The following AGAP6 variants were observed in gnomAD, a reference collection of about 807,000 sequenced individuals.
The protein encoded by AGAP6 is ArfGAP with GTPase domain, ankyrin repeat and PH domain 6.
AGAP6 carries 29 observed loss-of-function variants against 63.9 expected under a neutral mutation model. That is an observed-to-expected ratio of 0.45 (90% CI 0.34 to 0.62). The LOEUF (loss-of-function observed/expected upper bound fraction) is 0.62. Among genes scored for constraint, AGAP6 ranks in the 20% least tolerant of loss-of-function variants. The pLI is 0.01. For synonymous variants in AGAP6, 199 were observed against 332.9 expected (o/e 0.60, Z 4.38); for missense variants, 493 against 884.9 (o/e 0.56, Z 5.62).
intron 6 of AGAP6, among the ~76,000 whole-genome samples, chr10:50,005,387 G>A (rs536711459): frequency 8.5e-5 from 13 of 152,270 alleles, no homozygotes; most frequent in South Asian, 4.1e-4. Context: ...TGAGGCAGGC[G>A]GATCACAAGG....
chr10:50,010,366 C>T lies in AGAP6; in HGVS notation c.*180C>T. 6.2e-6 allele frequency: 8 copies of T among 1,298,422 alleles called. 2 individuals are homozygous for T. The highest frequency in any genetic ancestry group is 1.5e-5 in the South Asian group (1 of 68,288). The allele number at this position is 1,298,422 out of a possible 1,614,324, so 80.4% of individuals were successfully genotyped here. Reference sequence around the variant, plus strand: ...TCTGACCATAAGACGTATTTTATGTCCTTCTGCCAAGGTGGATTTGTTAGT... The same window carrying T: ...TCTGACCATAAGACGTATTTTATGTTCTTCTGCCAAGGTGGATTTGTTAGT... On this transcript the variant is annotated 3_prime_UTR_variant, in exon 8 of 8. Coordinates refer to ENST00000412531, the MANE Select transcript of AGAP6 (RefSeq NM_001077665.3).
chr10:50,004,166 C>G (rs1253463868), intron 5 of AGAP6, among the ~76,000 whole-genome samples: 1 of 151,188 alleles, frequency 6.6e-6, no homozygotes, highest in Non-Finnish European at 1.5e-5. Flanking sequence ...GCCTGGGCAA[C>G]AAGAGCGAAA....
chr10:49,989,087 C>T, intron 1 of AGAP6, 149 bp downstream of exon 1: 1 of 1,505,096 alleles, frequency 6.6e-7, no homozygotes, highest in Non-Finnish European at 8.9e-7. Context: ...GCTGGCTCTG[C>T]CTTGAATTCC....
chr10:49,993,335 C>T (rs1420180078), intron 3 of AGAP6, among the ~76,000 whole-genome samples: 1 of 152,192 alleles, frequency 6.6e-6, no homozygotes, highest in Non-Finnish European at 1.5e-5. Flanking sequence ...ATGTCCCTCA[C>T]TCTTCAGTGG....
intron 6 of AGAP6, among the ~76,000 whole-genome samples, chr10:50,007,749 A>G (rs531955306): frequency 1.3e-5 from 2 of 151,812 alleles, no homozygotes; most frequent in Admixed American, 6.6e-5. Flanking sequence ...AAGAGTGAAA[A>G]TATGTTTGGT....
chr10:50,009,347 A>G lies in AGAP6; in HGVS notation c.1222A>G (p.Thr408Ala), dbSNP rs781800962. The part of the protein sequence containing the change: ...NKKKHLKKKS[T>A]NNFMIVSATG... ...AAAGAAACACCTAAAGAAGAAAAGC[A>G]CCAACAACTTTATGATTGTGTCTGC... Residue 408 changes from threonine to alanine, a missense_variant, in exon 8 of 8, where the codon ACC (threonine) becomes GCC (alanine). Thr to Ala is a moderately conservative substitution (Grantham distance 58). This residue lies in a region of AGAP6 where 342 missense variants were observed against 533.4 expected (regional missense o/e 0.64). Transcript: ENST00000412531. The G allele has an allele frequency of 3.1e-6, 5 of 1,614,172 alleles. No individual in the cohort carries two copies. Among genetic ancestry groups the G allele is most frequent in the Non-Finnish European group, 1.7e-6 (2 of 1,180,036 alleles).
intron 2 of AGAP6, among the ~76,000 whole-genome samples, chr10:49,989,633 C>T (rs1554860423): frequency 6.6e-6 from 1 of 151,992 alleles, no homozygotes; most frequent in African/African-American, 2.4e-5. Context: ...TATTTAAAAT[C>T]AGAATGGAGG....
intron 4 of AGAP6, among the ~76,000 whole-genome samples, chr10:49,997,144 A>G (rs1257156402): frequency 2.0e-5 from 3 of 149,110 alleles, no homozygotes; most frequent in African/African-American, 7.5e-5. Context: ...TAATAAGCAT[A>G]TTACACTTTT....
intron 4 of AGAP6, among the ~76,000 whole-genome samples, chr10:49,997,101 TA>T (rs1841520145): frequency 6.8e-6 from 1 of 147,920 alleles, no homozygotes; most frequent in Non-Finnish European, 1.5e-5. Flanking sequence ...TTAATGATAT[TA>T]AGCCAGAGAA....
intron 4 of AGAP6, among the ~76,000 whole-genome samples, chr10:49,997,378 C>T (rs797038421): frequency 1.3e-5 from 2 of 152,184 alleles, no homozygotes; most frequent in South Asian, 2.1e-4. Context: ...ATGCGCCTTT[C>T]GTATTACCTA....
rs1841731211 is a variant in AGAP6 at position 50,001,992 on chromosome 10, T to A, written c.397-4T>A. Reference sequence around the variant, plus strand: ...GTTTGACTTACAGTTCCCTTCCCCTTCAGGTATCTGCTGTGCGTTTCAGTC... The same window carrying A: ...GTTTGACTTACAGTTCCCTTCCCCTACAGGTATCTGCTGTGCGTTTCAGTC... On this transcript the variant is annotated splice_region_variant and splice_polypyrimidine_tract_variant and intron_variant, in intron 4 of 7. Coordinates refer to ENST00000412531, the MANE Select transcript of AGAP6 (RefSeq NM_001077665.3). 37 of 1,612,726 alleles carry A rather than the reference T, an allele frequency of 2.3e-5. No homozygotes were observed. The highest frequency in any genetic ancestry group is 3.1e-5 in the Non-Finnish European group (37 of 1,180,000).
chr10:50,007,874 A>G, intron 6 of AGAP6, 151 bp from the exon 7 acceptor site: 1 of 1,436,528 alleles, frequency 7.0e-7, no homozygotes, highest in South Asian at 1.3e-5. Context: ...AAGTCAGGAA[A>G]CCCTCTGCAA....
rs1340295649 is a variant in AGAP6 at position 50,010,354 on chromosome 10, C to T, written c.*168C>T. 7.0e-5 allele frequency: 92 copies of T among 1,313,096 alleles called. 2 individuals carry two copies. The East Asian group carries it at 9.3e-4, about 13-fold the overall frequency. 81.3% of individuals were successfully genotyped at this position (1,313,096 alleles called of 1,614,324 possible). On this transcript the variant is annotated 3_prime_UTR_variant, in exon 8 of 8. Transcript: ENST00000412531. ...AATGTTGATTTTTCTGACCATAAGA[C>T]GTATTTTATGTCCTTCTGCCAAGGT...
chr10:49,994,742 C>T (rs1589088554), intron 4 of AGAP6, among the ~76,000 whole-genome samples: 1 of 152,078 alleles, frequency 6.6e-6, no homozygotes, highest in Non-Finnish European at 1.5e-5. Flanking sequence ...GCAGGCTGAT[C>T]ATCTGAGGTC....
chr10:50,007,993 T>A (rs1394636935), intron 6 of AGAP6, 32 bp from the exon 7 acceptor site: 1 of 1,611,740 alleles, frequency 6.2e-7, no homozygotes, highest in Non-Finnish European at 8.5e-7. Flanking sequence ...ATATTAACAG[T>A]TTTTGAAGTA....
chr10:50,005,350 G>T (rs571240320), intron 6 of AGAP6, among the ~76,000 whole-genome samples: 1 of 152,204 alleles, frequency 6.6e-6, no homozygotes, highest in Non-Finnish European at 1.5e-5. Context: ...GGTGGCTCAC[G>T]CCTGTAATCC....
rs1292806479 is a variant in AGAP6, at chr10:50,005,226, C to T, written c.533+506C>T. 1.1e-4 allele frequency among the ~76,000 whole-genome samples: 17 copies of T among 152,236 alleles called. 1 individual carries two copies. The highest frequency in any genetic ancestry group is 4.1e-4 in the African/African-American group (17 of 41,538). On this transcript the variant is annotated intron_variant, in intron 6 of 7. Transcript: ENST00000412531. ...ACAACAAAAAGTTGAGTAAAAAGTG[C>T]GTCATGTATTTATATTATTTGAAGT...
intron 5 of AGAP6, 138 bp downstream of exon 5, chr10:50,002,234 T>C: frequency 5.1e-6 from 4 of 790,816 alleles, no homozygotes; most frequent in Non-Finnish European, 5.5e-6. Flanking sequence ...ATATTAAGTA[T>C]CAGTTTCTCT....
In AGAP6 at chr10:49,988,746, C is replaced by T; in HGVS notation, c.31C>T (p.Pro11Ser). 1 of 1,592,022 alleles carries T rather than the reference C, an allele frequency of 6.3e-7. No homozygotes were observed. Among genetic ancestry groups the T allele is most frequent in the Non-Finnish European group, 8.5e-7 (1 of 1,176,310 alleles). Residue 11 changes from proline to serine, a missense_variant, in exon 1 of 8, where the codon CCT becomes TCT. Pro to Ser is a moderately conservative substitution (Grantham distance 74, BLOSUM62 -1). Coordinates refer to ENST00000412531, the MANE Select transcript of AGAP6 (RefSeq NM_001077665.3). MGNILTCRVHPSVSLEFDQQQ... is the reference protein window; with the variant it reads MGNILTCRVHSSVSLEFDQQQ... ...GAACATACTGACCTGTCGTGTGCACCCTAGCGTCAGCCTCGAGTTTGACCA... is the reference window on the plus strand; with the variant it reads ...GAACATACTGACCTGTCGTGTGCACTCTAGCGTCAGCCTCGAGTTTGACCA...
Sources: gnomAD v4.1 joint callset for allele counts (sites outside exome capture counted in the v4.1 genomes callset) on GRCh38, gnomAD v4.1.1 for gene constraint, gnomAD v4.1.1 regional missense constraint, MANE v1.5 for transcripts, NCBI Gene and HGNC (gene_info 2026-07-23, HGNC 2026-07-21) for gene names.